Variants in TBC1D5 observed in about 807,000 individuals in gnomAD.
TBC1D5 encodes the protein TBC1 domain family, member 5.
TBC1D5 carries 75 observed loss-of-function variants against 100.3 expected under a neutral mutation model. The ratio of observed to expected loss-of-function variants is 0.75; its 90% CI spans 0.62 to 0.91. The LOEUF (loss-of-function observed/expected upper bound fraction) is 0.91. Among genes scored for constraint, TBC1D5 ranks in the 40% least tolerant of loss-of-function variants. TBC1D5 has a pLI of 0.00. For missense variants in TBC1D5, 910 were observed against 942.4 expected (o/e 0.97, Z 0.45); for synonymous variants, 323 against 325.6 (o/e 0.99, Z 0.09).
intron 1 of TBC1D5, among the ~76,000 whole-genome samples, chr3:17,642,556 T>G (rs2064624027): frequency 6.6e-6 from 1 of 152,108 alleles, no homozygotes; most frequent in African/African-American, 2.4e-5. Flanking sequence ...TTCAAATTCT[T>G]CCACATACTC....
intron 1 of TBC1D5, among the ~76,000 whole-genome samples, chr3:17,694,041 A>G (rs1426873952): frequency 6.6e-6 from 1 of 151,564 alleles, no homozygotes; most frequent in Non-Finnish European, 1.5e-5. Context: ...AGAAAGGAAT[A>G]GCATCAACAC....
intron 1 of TBC1D5, among the ~76,000 whole-genome samples, chr3:17,699,191 C>T (rs2072700093): frequency 1.7e-5 from 2 of 118,366 alleles, no homozygotes; most frequent in African/African-American, 6.3e-5. Context: ...GGCACATATA[C>T]ACCATGGAAT....
intron 1 of TBC1D5, among the ~76,000 whole-genome samples, chr3:17,671,280 G>A (rs926987942): frequency 1.3e-5 from 2 of 152,182 alleles, no homozygotes; most frequent in Admixed American, 6.5e-5. Context: ...GAGGGTGCTC[G>A]TGGAATAAAT....
intron 2 of TBC1D5, among the ~76,000 whole-genome samples, chr3:17,525,363 TCAGG>T (rs2096120581): frequency 6.6e-6 from 1 of 152,164 alleles, no homozygotes; most frequent in Non-Finnish European, 1.5e-5. Flanking sequence ...ACTCCTGATG[TCAGG>T]TGATCTACCT....
At chr3:17,176,966 C>T (rs1383507392) in intron 19 of TBC1D5, among the ~76,000 whole-genome samples, 2 of 152,188 alleles carry the variant, frequency 1.3e-5, no homozygotes, top group Admixed American at 6.5e-5. Flanking sequence ...AACGCCAAGG[C>T]AGCCACTGGG....
intron 2 of TBC1D5, among the ~76,000 whole-genome samples, chr3:17,551,877 CATA>C (rs1216054336): frequency 1.3e-5 from 2 of 152,054 alleles, no homozygotes; most frequent in Non-Finnish European, 2.9e-5. Flanking sequence ...TAAAATAAGG[CATA>C]ATGTCTACTT....
intron 8 of TBC1D5, among the ~76,000 whole-genome samples, chr3:17,391,054 G>C (rs897018138): frequency 5.9e-5 from 9 of 152,060 alleles, no homozygotes; most frequent in Admixed American, 5.9e-4. Flanking sequence ...TTCCCCACCG[G>C]CAGGCCTCTG....
In TBC1D5 at chr3:17,302,703, A is replaced by G. The variant is rs142983062; in HGVS notation, c.1138+5289T>C. Among the ~76,000 whole-genome samples the G allele has an allele frequency of 3.5e-3, 528 of 152,288 alleles. 4 individuals carry two copies. Among genetic ancestry groups the G allele is most frequent in the African/African-American group, 0.012 (500 of 41,558 alleles). Reference sequence around the variant, plus strand: ...TGATCCCCATCCACTGAATCCCTAGAAGACATGCACCCCAAGGAAGGCATG... The same window carrying G: ...TGATCCCCATCCACTGAATCCCTAGGAGACATGCACCCCAAGGAAGGCATG... On this transcript the variant is annotated intron_variant, in intron 14 of 21. Transcript: ENST00000253692.
exon 14 of TBC1D5, chr3:17,308,058 C>A: frequency 6.2e-7 from 1 of 1,610,870 alleles, no homozygotes; most frequent in Non-Finnish European, 8.5e-7. Context: ...CTGAGGCCGT[C>A]TGCAAACAAG....
At chr3:17,283,869 G>C (rs980323030) in intron 15 of TBC1D5, among the ~76,000 whole-genome samples, 2 of 151,660 alleles carry the variant, frequency 1.3e-5, no homozygotes, top group African/African-American at 2.4e-5. Context: ...CAATGATACT[G>C]GTCTTTCAAT....
At chr3:17,735,208 A>G (rs938235829) in intron 1 of TBC1D5, among the ~76,000 whole-genome samples, 3 of 152,252 alleles carry the variant, frequency 2.0e-5, no homozygotes, top group African/African-American at 7.2e-5. Context: ...TATTAGCTAT[A>G]ATAGTGTTCA....
chr3:17,281,861 C>A (rs2080636391), intron 15 of TBC1D5, among the ~76,000 whole-genome samples: 2 of 151,944 alleles, frequency 1.3e-5, no homozygotes, highest in Non-Finnish European at 1.5e-5. Flanking sequence ...TTTATGTGGC[C>A]ATAACCACTA....
At chr3:17,333,065 C>T (rs1170175581) in intron 13 of TBC1D5, 1 of 152,192 alleles carries the variant, frequency 6.6e-6, no homozygotes, top group African/African-American at 2.4e-5. Context: ...ACAAATAATA[C>T]AGTACAGGGG....
In TBC1D5 at chr3:17,723,514, G is replaced by C. The variant is rs2075864464; in HGVS notation, c.-101+15829C>G. 2.0e-5 allele frequency among the ~76,000 whole-genome samples: 3 copies of C among 152,110 alleles called. No homozygotes were observed. In the South Asian group the frequency reaches 6.2e-4, roughly 32 times the overall value. On this transcript the variant is annotated intron_variant, in intron 1 of 21. Coordinates refer to ENST00000253692, the Ensembl canonical transcript of TBC1D5. ...GCCAAACAGTATCTGTGTTTACTAA[G>C]TATAAACAATAATTTTCTAAGAATA... is the stretch of plus-strand genomic sequence containing the variant.
At chr3:17,250,544 C>T (rs747228648) in intron 16 of TBC1D5, among the ~76,000 whole-genome samples, 1 of 152,218 alleles carries the variant, frequency 6.6e-6, no homozygotes, top group Non-Finnish European at 1.5e-5. Context: ...GTTCACTGGG[C>T]TCCAGCCATA....
At chr3:17,453,165 A>C (rs2094969311) in intron 3 of TBC1D5, among the ~76,000 whole-genome samples, 1 of 151,876 alleles carries the variant, frequency 6.6e-6, no homozygotes, top group Non-Finnish European at 1.5e-5. Flanking sequence ...CAGCAAAAGC[A>C]GTAGTAAGAG....
At chr3:17,695,752 G>A (rs2071957325) in intron 1 of TBC1D5, among the ~76,000 whole-genome samples, 1 of 152,006 alleles carries the variant, frequency 6.6e-6, no homozygotes, top group Non-Finnish European at 1.5e-5. Context: ...GCTGACCTAA[G>A]AGATATCTAC....
intron 2 of TBC1D5, among the ~76,000 whole-genome samples, chr3:17,520,131 T>G (rs964509693): frequency 6.6e-5 from 10 of 152,218 alleles, no homozygotes; most frequent in Non-Finnish European, 1.3e-4. Flanking sequence ...AAATCCTTTT[T>G]GAAATGTCAG....
At chr3:17,387,679 G>A (rs1480911222) in intron 8 of TBC1D5, among the ~76,000 whole-genome samples, 6 of 151,722 alleles carry the variant, frequency 4.0e-5, no homozygotes, top group Admixed American at 6.6e-5. Flanking sequence ...GCTAGATGGT[G>A]TGGATTCAGG....
Sources: allele counts gnomAD v4.1 joint callset (sites outside exome capture counted in the v4.1 genomes callset), GRCh38; gene constraint gnomAD v4.1.1; transcripts MANE v1.5; gene names NCBI Gene and HGNC (gene_info 2026-07-23, HGNC 2026-07-21).